Variants in GPM6A observed in about 807,000 individuals in gnomAD.
GPM6A encodes the protein glycoprotein M6A.
Under a neutral mutation model 32.1 loss-of-function variants are expected in GPM6A, and 7 were observed. The observed-to-expected ratio is 0.22, with a 90% CI of 0.12 to 0.41. The LOEUF is 0.41. Among genes scored for constraint, GPM6A ranks in the 10% least tolerant of loss-of-function variants. The probability of loss-of-function intolerance (pLI) is 1.00; values close to 1 mark genes in which losing one functional copy is unlikely to be tolerated. For missense variants in GPM6A, 235 were observed against 347.2 expected (o/e 0.68, Z 2.57); for synonymous variants, 130 against 123.4 (o/e 1.05, Z -0.35).
At chr4:175,963,549 T>C (rs1409532291) in intron 1 of GPM6A, among the ~76,000 whole-genome samples, 1 of 151,810 alleles carries the variant, frequency 6.6e-6, no homozygotes, top group East Asian at 1.9e-4. Flanking sequence ...CTAGAAAAAA[T>C]TGTTTTTCAA....
intron 1 of GPM6A, among the ~76,000 whole-genome samples, chr4:175,777,837 A>G (rs1037472685): frequency 2.6e-5 from 4 of 152,336 alleles, no homozygotes; most frequent in Admixed American, 2.0e-4. Flanking sequence ...GTAAAAAATA[A>G]CTAATAAAAA....
At chr4:175,880,921 T>C (rs1022338189) in intron 1 of GPM6A, among the ~76,000 whole-genome samples, 14 of 152,136 alleles carry the variant, frequency 9.2e-5, no homozygotes, top group African/African-American at 3.1e-4. Flanking sequence ...TCCAACACTA[T>C]GTTGAATAGG....
chr4:175,715,386 C>T (rs1480562098), intron 1 of GPM6A, among the ~76,000 whole-genome samples: 1 of 152,180 alleles, frequency 6.6e-6, no homozygotes, highest in East Asian at 1.9e-4. Flanking sequence ...GTGAATAGGT[C>T]TGCGGTCATC....
At chr4:175,681,287 T>C (rs1282955494) in intron 2 of GPM6A, among the ~76,000 whole-genome samples, 2 of 152,216 alleles carry the variant, frequency 1.3e-5, no homozygotes, top group Admixed American at 1.3e-4. Context: ...AAATTGTTGC[T>C]AATCTGATGG....
intron 3 of GPM6A, among the ~76,000 whole-genome samples, chr4:175,673,371 A>T (rs1743186664): frequency 6.6e-6 from 1 of 151,862 alleles, no homozygotes; most frequent in South Asian, 2.1e-4. Flanking sequence ...TTGGAGATGA[A>T]TTTTTCTGTG....
chr4:175,637,251 TAATATAAA>T (rs1740715445), intron 6 of GPM6A, among the ~76,000 whole-genome samples: 1 of 67,878 alleles, frequency 1.5e-5, no homozygotes, highest in Non-Finnish European at 2.7e-5. Context: ...ATATTATATA[TAATATAAA>T]ATATATATTA....
chr4:175,973,598 C>T (rs2126427319), intron 1 of GPM6A, among the ~76,000 whole-genome samples: 1 of 152,306 alleles, frequency 6.6e-6, no homozygotes, highest in African/African-American at 2.4e-5. Flanking sequence ...CACATCATGA[C>T]TATCAATTGC....
At chr4:175,774,250 G>A (rs1321567708) in intron 1 of GPM6A, among the ~76,000 whole-genome samples, 1 of 151,900 alleles carries the variant, frequency 6.6e-6, no homozygotes, top group Non-Finnish European at 1.5e-5. Context: ...TTTATTTTTT[G>A]TTTCTTTCTT....
At chr4:175,820,109 CT>C (rs1018301176) in intron 1 of GPM6A, among the ~76,000 whole-genome samples, 4 of 152,164 alleles carry the variant, frequency 2.6e-5, no homozygotes, top group African/African-American at 9.6e-5. Flanking sequence ...AATATGGAGA[CT>C]TTTACTCAGT....
chr4:175,843,321 A>G (rs1025665623), intron 1 of GPM6A, among the ~76,000 whole-genome samples: 9 of 152,160 alleles, frequency 5.9e-5, no homozygotes, highest in African/African-American at 2.2e-4. Flanking sequence ...TTCCTTTTAC[A>G]TTCATTTTTT....
At chr4:175,800,492 C>G (rs1734431063) in intron 1 of GPM6A, among the ~76,000 whole-genome samples, 1 of 152,150 alleles carries the variant, frequency 6.6e-6, no homozygotes, top group African/African-American at 2.4e-5. Context: ...TCGGGCGCAT[C>G]AAATTCTTTC....
chr4:175,851,484 CAAAA>C (rs564843754), intron 1 of GPM6A, among the ~76,000 whole-genome samples: 1 of 54,090 alleles, frequency 1.8e-5, no homozygotes. Context: ...GACTCCGTCT[CAAAA>C]AAAAAAAAAA....
chr4:175,698,114 T>C (rs887768388), intron 2 of GPM6A, among the ~76,000 whole-genome samples: 3 of 152,126 alleles, frequency 2.0e-5, no homozygotes, highest in African/African-American at 7.2e-5. Context: ...AGAGAAATTT[T>C]GTGGTCCCTG....
At chr4:175,806,927 C>T (rs992955347) in intron 1 of GPM6A, 2 of 152,138 alleles carry the variant, frequency 1.3e-5, no homozygotes, top group African/African-American at 2.4e-5. Flanking sequence ...TTTGCTGAGA[C>T]GAAGTCTGTC....
intron 3 of GPM6A, among the ~76,000 whole-genome samples, chr4:175,669,399 T>C (rs1475659013): frequency 1.3e-5 from 2 of 152,138 alleles, no homozygotes; most frequent in Non-Finnish European, 2.9e-5. Flanking sequence ...TGTTTTGAAT[T>C]TCAAATTTTT....
At position 175,735,322 on chromosome 4, in the gene GPM6A, A is replaced by G. The variant is rs537324294; in HGVS notation, c.38-33555T>C. Among the ~76,000 whole-genome samples, 5 of 152,316 alleles carry G rather than the reference A, an allele frequency of 3.3e-5. No homozygotes were observed. In the East Asian group the frequency reaches 9.7e-4, roughly 29 times the overall value. On this transcript the variant is annotated intron_variant, in intron 1 of 6. Coordinates refer to ENST00000393658, the MANE Select transcript of GPM6A (RefSeq NM_201591.3). ...GAAAACTGATTATAGTTATATTAAG[A>G]TTTGATCCTAAATTCTGCCTAATTT...
chr4:175,935,008 G>T (rs1317324480), intron 1 of GPM6A, among the ~76,000 whole-genome samples: 1 of 152,164 alleles, frequency 6.6e-6, no homozygotes, highest in African/African-American at 2.4e-5. Flanking sequence ...ATTAAGAACT[G>T]TTTGTTATTT....
chr4:175,856,835 T>C (rs1275069294), intron 1 of GPM6A, among the ~76,000 whole-genome samples: 2 of 152,100 alleles, frequency 1.3e-5, no homozygotes, highest in Non-Finnish European at 1.5e-5. Flanking sequence ...CCAGTGGAAC[T>C]TGGGGTTTTT....
At chr4:175,695,587 T>C (rs1744532865) in intron 2 of GPM6A, among the ~76,000 whole-genome samples, 1 of 152,232 alleles carries the variant, frequency 6.6e-6, no homozygotes, top group South Asian at 2.1e-4. Context: ...ATTGGAGTAT[T>C]TACCCAATGC....
Sources: allele counts gnomAD v4.1 joint callset (sites outside exome capture counted in the v4.1 genomes callset), GRCh38; gene constraint gnomAD v4.1.1; transcripts MANE v1.5; gene names NCBI Gene and HGNC (gene_info 2026-07-23, HGNC 2026-07-21).